Variants in ZEB1 observed in about 807,000 individuals in gnomAD.
ZEB1 encodes zinc finger E-box binding homeobox 1, also known as zinc finger E-box-binding homeobox 1.
A neutral mutation model predicts 84.9 loss-of-function variants in ZEB1; 21 were observed. That is an observed-to-expected ratio of 0.25 (90% CI 0.18 to 0.36). The LOEUF is 0.36. Ranked by LOEUF, ZEB1 falls within the 10% of genes least tolerant of loss-of-function variation. The pLI, the probability that ZEB1 is intolerant of heterozygous loss-of-function variation, is 1.00. For synonymous variants in ZEB1, 420 were observed against 471.1 expected (o/e 0.89, Z 1.41); for missense variants, 1,104 against 1,330.2 (o/e 0.83, Z 2.65).
At chr10:31,346,776 C>G (rs2040395304) in intron 1 of ZEB1, among the ~76,000 whole-genome samples, 1 of 152,092 alleles carries the variant, frequency 6.6e-6, no homozygotes, top group African/African-American at 2.4e-5. Context: ...AAATTACATA[C>G]ATTGTAAGTC....
At chr10:31,499,738 C>T (rs1272110291) in intron 3 of ZEB1, among the ~76,000 whole-genome samples, 1 of 151,738 alleles carries the variant, frequency 6.6e-6, no homozygotes, top group Non-Finnish European at 1.5e-5. Context: ...GCACTCCAAC[C>T]TGGGCGACAA....
chr10:31,471,480 G>T (rs540005384), intron 2 of ZEB1, among the ~76,000 whole-genome samples: 5 of 151,318 alleles, frequency 3.3e-5, no homozygotes, highest in Non-Finnish European at 7.4e-5. Context: ...TTACATAATG[G>T]TAAAGGGATC....
intron 1 of ZEB1, among the ~76,000 whole-genome samples, chr10:31,356,785 G>A (rs1263248225): frequency 1.3e-5 from 2 of 152,098 alleles, no homozygotes; most frequent in Non-Finnish European, 2.9e-5. Flanking sequence ...ATGAGACTGG[G>A]GCTTTAGAGA....
chr10:31,488,239 A>T (rs1201780902), intron 2 of ZEB1, among the ~76,000 whole-genome samples: 1 of 151,240 alleles, frequency 6.6e-6, no homozygotes, highest in African/African-American at 2.4e-5. Flanking sequence ...TTCTAATTCA[A>T]TTTAAAAATA....
At chr10:31,472,193 G>C (rs1242592640) in intron 2 of ZEB1, among the ~76,000 whole-genome samples, 4 of 151,304 alleles carry the variant, frequency 2.6e-5, no homozygotes, top group Non-Finnish European at 5.9e-5. Flanking sequence ...CTAGCAGAAG[G>C]CAAGAAATAA....
At chr10:31,492,951 T>C (rs2066739440) in intron 2 of ZEB1, among the ~76,000 whole-genome samples, 1 of 152,094 alleles carries the variant, frequency 6.6e-6, no homozygotes, top group Middle Eastern at 3.4e-3. Flanking sequence ...GACATAATAA[T>C]AGATTCACAA....
At chr10:31,383,516 T>A (rs542123542) in intron 1 of ZEB1, among the ~76,000 whole-genome samples, 38 of 152,188 alleles carry the variant, frequency 2.5e-4, no homozygotes, top group Non-Finnish European at 5.0e-4. Context: ...ATATTTGTGT[T>A]AGGATTGAAG....
intron 1 of ZEB1, among the ~76,000 whole-genome samples, chr10:31,452,700 A>AGTGT (rs1169602361): frequency 1.2e-5 from 1 of 81,132 alleles, no homozygotes; most frequent in Non-Finnish European, 2.7e-5. Context: ...TTTAGGATAA[A>AGTGT]ATGTGTGTGT....
rs929788622 is a variant in ZEB1, at chr10:31,489,678, C to T, written c.260-6098C>T. The stretch of plus-strand genomic sequence containing the variant: ...TTGCTCTATGGATTAGAATGTACAT[C>T]CTAACTTTTCACAGTCTATTTAGAA... On this transcript the variant is annotated intron_variant, in intron 2 of 8. Coordinates refer to ENST00000424869, the MANE Select transcript of ZEB1 (RefSeq NM_001174096.2). Among the ~76,000 whole-genome samples, 68 of 151,280 alleles carry T rather than the reference C, an allele frequency of 4.5e-4. 2 individuals are homozygous for T. The highest frequency in any genetic ancestry group is 3.3e-4 in the Non-Finnish European group (22 of 67,516).
rs760363135 is a variant in ZEB1, at chr10:31,521,246, T to G, written c.1914T>G (p.Ile638Met). 8 of 1,613,974 alleles carry G rather than the reference T, an allele frequency of 5.0e-6. No individual in the cohort carries two copies. Among genetic ancestry groups the G allele is most frequent in the Non-Finnish European group, 6.8e-6 (8 of 1,180,022 alleles). Residue 638 changes from isoleucine (I) to methionine (M), a missense_variant, in exon 7 of 9, where the codon ATT (isoleucine) becomes ATG (methionine). Physicochemically the swap from Ile to Met is conservative, Grantham distance 10. Transcript: ENST00000424869. ...KWFEKMQAGQ[I>M]SVQSSEPSSP... is the part of the protein sequence containing the mutation. ...TTGAAAAGATGCAAGCTGGACAGATTTCAGTGCAGTCTTCTGAACCATCTT... is the reference window on the plus strand; with the variant it reads ...TTGAAAAGATGCAAGCTGGACAGATGTCAGTGCAGTCTTCTGAACCATCTT...
intron 1 of ZEB1, among the ~76,000 whole-genome samples, chr10:31,377,970 T>C (rs2046960612): frequency 6.6e-6 from 1 of 151,578 alleles, no homozygotes; most frequent in South Asian, 2.1e-4. Context: ...AACAGCAGAT[T>C]AGCATTTTAA....
chr10:31,383,061 A>G (rs535719922), intron 1 of ZEB1, among the ~76,000 whole-genome samples: 1 of 151,862 alleles, frequency 6.6e-6, no homozygotes, highest in South Asian at 2.1e-4. Flanking sequence ...TCATAATAAC[A>G]TATTAGGAAA....
chr10:31,505,345 ATAGTTTGAGGAGAAC>A (rs1410743102), intron 4 of ZEB1, among the ~76,000 whole-genome samples: 1 of 152,084 alleles, frequency 6.6e-6, no homozygotes, highest in Non-Finnish European at 1.5e-5. Context: ...GTTTTTTGGA[ATAGTTTGAGGAGAAC>A]TAGTGTTAGC....
chr10:31,440,097 T>C (rs2058742013), intron 1 of ZEB1, among the ~76,000 whole-genome samples: 1 of 152,146 alleles, frequency 6.6e-6, no homozygotes, highest in African/African-American at 2.4e-5. Context: ...AATATATTTT[T>C]ATAGGTATTT....
chr10:31,519,872 G>A (rs2071928946), intron 6 of ZEB1, among the ~76,000 whole-genome samples: 1 of 152,130 alleles, frequency 6.6e-6, no homozygotes, highest in South Asian at 2.1e-4. Flanking sequence ...AAGATTGGTG[G>A]AAATATTATA....
rs763672095 is a variant in ZEB1 at position 31,523,945 on chromosome 10, G to C, written c.2617G>C (p.Asp873His). The C allele has an allele frequency of 4.3e-6, 7 of 1,613,802 alleles. No homozygotes were observed. The highest frequency in any genetic ancestry group is 5.1e-6 in the Non-Finnish European group (6 of 1,179,866). The change falls in exon 8 of 9, where the codon GAT (aspartate) becomes CAT (histidine). Residue 873 changes from aspartate (D) to histidine (H), a missense_variant. Physicochemically the swap from Asp to His is moderately conservative, Grantham distance 81 (BLOSUM62 -1). Transcript: ENST00000424869. ...QPNGNQDERQDTSSEGVSNVE... is the reference protein window; with the variant it reads ...QPNGNQDERQHTSSEGVSNVE... The stretch of plus-strand genomic sequence containing the variant: ...TTTCTCCCTCTAGGATGAAAGACAA[G>C]ATACTAGCTCAGAAGGAGTATCAAA...
intron 1 of ZEB1, among the ~76,000 whole-genome samples, chr10:31,406,568 G>C (rs982513533): frequency 2.7e-5 from 4 of 150,002 alleles, no homozygotes; most frequent in Non-Finnish European, 4.4e-5. Flanking sequence ...ATTTGTTTAA[G>C]TTCCTTGTAG....
rs192184568 is a variant in ZEB1 at position 31,427,769 on chromosome 10, G to A, written c.59-33268G>A. ...AGCTACTCGAGAGGCTGAGGCAGGAGAATGGCATGAACCCAGGAGGTGGAG... is the reference window on the plus strand; with the variant it reads ...AGCTACTCGAGAGGCTGAGGCAGGAAAATGGCATGAACCCAGGAGGTGGAG... On this transcript the variant is annotated intron_variant, in intron 1 of 8. Transcript: ENST00000424869. Among the ~76,000 whole-genome samples, 16 of 151,848 alleles carry A rather than the reference G, an allele frequency of 1.1e-4. No homozygotes were observed. In the East Asian group the frequency reaches 2.9e-3, roughly 28 times the overall value.
At chr10:31,501,906 C>G (rs1165814993) in intron 3 of ZEB1, among the ~76,000 whole-genome samples, 1 of 152,086 alleles carries the variant, frequency 6.6e-6, no homozygotes, top group African/African-American at 2.4e-5. Flanking sequence ...GTAACTGAAA[C>G]CATGGAAAAT....
Sources: gnomAD v4.1 joint callset for allele counts (sites outside exome capture counted in the v4.1 genomes callset) on GRCh38, gnomAD v4.1.1 for gene constraint, MANE v1.5 for transcripts, NCBI Gene and HGNC (gene_info 2026-07-23, HGNC 2026-07-21) for gene names.